ROCK1: variants seen among roughly 807,000 people sequenced by gnomAD.
ROCK1 encodes the protein Rho associated coiled-coil containing protein kinase 1, also known as rho-associated protein kinase 1.
Under a neutral mutation model 196.8 loss-of-function variants are expected in ROCK1, and 36 were observed. That is an observed-to-expected ratio of 0.18 (90% CI 0.14 to 0.24). The LOEUF is 0.24. Ranked by LOEUF, ROCK1 falls within the 10% of genes least tolerant of loss-of-function variation. The probability of loss-of-function intolerance (pLI) is 1.00; values close to 1 mark genes in which losing one functional copy is unlikely to be tolerated. For synonymous variants in ROCK1, 443 were observed against 515.9 expected (o/e 0.86, Z 1.91); for missense variants, 920 against 1,562.0 (o/e 0.59, Z 6.93).
At chr18:21,008,019 T>G in intron 14 of ROCK1, 40 bp downstream of exon 14, 3 of 1,499,974 alleles carry the variant, frequency 2.0e-6, no homozygotes, top group Non-Finnish European at 2.7e-6. Context: ...CATGACAGTG[T>G]TAGAAATTCT....
chr18:21,013,792 G>A (rs762034286), intron 13 of ROCK1, among the ~76,000 whole-genome samples: 3 of 152,084 alleles, frequency 2.0e-5, no homozygotes, highest in Admixed American at 6.6e-5. Flanking sequence ...GGCTGGGCGC[G>A]GTGGCTCAGG....
intron 16 of ROCK1, 38 bp from the exon 17 acceptor site, chr18:20,992,975 G>A (rs2035639484): frequency 2.3e-6 from 3 of 1,277,222 alleles, no homozygotes; most frequent in African/African-American, 3.0e-5. Flanking sequence ...TGTAGTCATT[G>A]AAAGAAGTCT....
chr18:21,054,394 C>T (rs1166626671), intron 2 of ROCK1, among the ~76,000 whole-genome samples: 3 of 151,982 alleles, frequency 2.0e-5, no homozygotes, highest in Non-Finnish European at 4.4e-5. Context: ...TGAGATTTGG[C>T]CTGTGGGCTG....
chr18:20,952,702 G>A (rs1393971646), intron 32 of ROCK1, among the ~76,000 whole-genome samples: 1 of 151,622 alleles, frequency 6.6e-6, no homozygotes, highest in East Asian at 2.0e-4. Context: ...TTGAACTTGG[G>A]AGGTGGAGGT....
At chr18:21,009,991 A>T (rs1705942250) in intron 13 of ROCK1, among the ~76,000 whole-genome samples, 1 of 152,200 alleles carries the variant, frequency 6.6e-6, no homozygotes, top group South Asian at 2.1e-4. Flanking sequence ...TTGTGTTTAG[A>T]ACTGTTCATA....
intron 16 of ROCK1, among the ~76,000 whole-genome samples, chr18:20,997,428 A>G (rs2035681648): frequency 6.6e-6 from 1 of 152,248 alleles, no homozygotes; most frequent in South Asian, 2.1e-4. Context: ...TAAAGGGGTC[A>G]ATTCAGCAAG....
chr18:21,006,563 G>A lies in ROCK1; in HGVS notation c.1673C>T (p.Ser558Leu), dbSNP rs2143437685. ...CTTCCTCAATCTTACAGCTGTGTCCGATTCTGTCCTAAGTAAGTCATTGGC... is the reference window on the plus strand; with the variant it reads ...CTTCCTCAATCTTACAGCTGTGTCCAATTCTGTCCTAAGTAAGTCATTGGC... ...EEANDLLRTE[S>L]DTAVRLRKSH... Residue 558 changes from serine to leucine, a missense_variant, in exon 16 of 33, where the codon TCG becomes TTG. Around this residue, in one of 6 missense-constraint regions of ROCK1, gnomAD observed 520 missense variants for 657.1 expected, o/e 0.79. Transcript: ENST00000399799. 1 of 1,613,618 alleles carries A rather than the reference G, an allele frequency of 6.2e-7. No homozygotes were observed.
intron 9 of ROCK1, among the ~76,000 whole-genome samples, chr18:21,032,921 C>T (rs1272043539): frequency 2.6e-5 from 4 of 151,974 alleles, no homozygotes. Flanking sequence ...CAAAATAGGG[C>T]CATAGTGGCT....
chr18:21,098,635 CAA>C (rs56405711), intron 1 of ROCK1, among the ~76,000 whole-genome samples: 263 of 140,816 alleles, frequency 1.9e-3, no homozygotes, highest in Non-Finnish European at 2.1e-3. Flanking sequence ...TGAAAAATTG[CAA>C]AAAAAAAAAA....
At chr18:21,085,927 G>A (rs1239955401) in intron 1 of ROCK1, among the ~76,000 whole-genome samples, 6 of 152,224 alleles carry the variant, frequency 3.9e-5, no homozygotes, top group Admixed American at 3.9e-4. Context: ...AAGTTTTATA[G>A]GTATGGGTGA....
rs529722485 is a variant in ROCK1 at position 20,991,532 on chromosome 18, C to T, written c.1993-206G>A. Among the ~76,000 whole-genome samples the T allele has an allele frequency of 8.5e-5, 13 of 152,306 alleles. 1 individual carries two copies. In the South Asian group the frequency reaches 2.7e-3, roughly 32 times the overall value. The stretch of plus-strand genomic sequence containing the variant: ...AATCATGGCGGAGGGCAGAACAAGG[C>T]TGTGCTGGTGGTTATGTTCAGGACA... On this transcript the variant is annotated intron_variant, in intron 17 of 32. Coordinates refer to ENST00000399799, the MANE Select transcript of ROCK1 (RefSeq NM_005406.3).
At chr18:20,959,150 ATATATAT>A (rs1156341253) in intron 29 of ROCK1, among the ~76,000 whole-genome samples, 2 of 69,010 alleles carry the variant, frequency 2.9e-5, no homozygotes, top group East Asian at 4.2e-4. Flanking sequence ...TATATAAAAT[ATATATAT>A]TATATATTAT....
chr18:21,028,396 A>G (rs530521670), intron 10 of ROCK1, among the ~76,000 whole-genome samples: 1 of 152,120 alleles, frequency 6.6e-6, no homozygotes, highest in East Asian at 2.0e-4. Context: ...AGCCTGGGTG[A>G]CAGAGCAAGA....
At chr18:21,110,716 C>T in intron 1 of ROCK1, 102 bp downstream of exon 1, 3 of 883,144 alleles carry the variant, frequency 3.4e-6, no homozygotes, top group Non-Finnish European at 3.7e-6. Flanking sequence ...TTTTCCAAGA[C>T]GATTATGCAC....
intron 4 of ROCK1, among the ~76,000 whole-genome samples, chr18:21,045,898 T>TTTTTC (rs2036151815): frequency 1.8e-5 from 2 of 109,982 alleles, no homozygotes; most frequent in African/African-American, 1.0e-4. Flanking sequence ...CAGTTTCAGC[T>TTTTTC]GTTTTTTTTT....
chr18:21,108,373 C>G (rs2036721562), intron 1 of ROCK1, among the ~76,000 whole-genome samples: 1 of 152,166 alleles, frequency 6.6e-6, no homozygotes, highest in Non-Finnish European at 1.5e-5. Context: ...CTCCCTTTAC[C>G]ATTATATCAA....
chr18:20,969,400 A>G (rs2035405202), intron 23 of ROCK1, 192 bp from the exon 24 acceptor site: 1 of 469,702 alleles, frequency 2.1e-6, no homozygotes, highest in African/African-American at 2.0e-5. Flanking sequence ...TCCAAAAATT[A>G]TTTCATTGTA....
intron 22 of ROCK1, among the ~76,000 whole-genome samples, chr18:20,971,081 A>C (rs1246957298): frequency 2.0e-5 from 3 of 152,174 alleles, no homozygotes; most frequent in African/African-American, 7.2e-5. Context: ...AATGATACTA[A>C]AACATTTCAG....
chr18:20,987,130 C>A lies in ROCK1; in HGVS notation c.2144-20G>T, dbSNP rs749027874. On this transcript the variant is annotated intron_variant, in intron 18 of 32. Coordinates refer to ENST00000399799, the MANE Select transcript of ROCK1 (RefSeq NM_005406.3). ...CCATCTCTGGGAAAGCAAAAAGTTACAAACATACATTTAAAGAAAGAGTAC... is the reference window on the plus strand; with the variant it reads ...CCATCTCTGGGAAAGCAAAAAGTTAAAAACATACATTTAAAGAAAGAGTAC... The A allele has an allele frequency of 1.2e-6, 2 of 1,606,788 alleles. No homozygotes were observed. The highest frequency in any genetic ancestry group is 1.7e-5 in the Admixed American group (1 of 58,234).
Sources: gnomAD v4.1 joint callset for allele counts (sites outside exome capture counted in the v4.1 genomes callset) on GRCh38, gnomAD v4.1.1 for gene constraint, gnomAD v4.1.1 regional missense constraint, MANE v1.5 for transcripts, NCBI Gene and HGNC (gene_info 2026-07-23, HGNC 2026-07-21) for gene names.